The following MTCL1 variants were observed in gnomAD, a reference collection of about 807,000 sequenced individuals.
MTCL1 encodes microtubule cross-linking factor 1.
In MTCL1, 79 loss-of-function variants were observed where a neutral mutation model predicts 141.4. The observed-to-expected ratio is 0.56, with a 90% CI of 0.47 to 0.67. The LOEUF (loss-of-function observed/expected upper bound fraction) is 0.67. Ranked by LOEUF, MTCL1 falls within the 30% of genes least tolerant of loss-of-function variation. The pLI is 0.00. For missense variants in MTCL1, 2,177 were observed against 2,113.9 expected, an observed-to-expected ratio of 1.03 and a Z score of -0.59; for synonymous variants, 914 against 875.8, an observed-to-expected ratio of 1.04 and a Z score of -0.77.
At chr18:8,733,027 T>C (rs2096258600) in intron 4 of MTCL1, among the ~76,000 whole-genome samples, 1 of 152,254 alleles carries the variant, frequency 6.6e-6, no homozygotes, top group South Asian at 2.1e-4. Context: ...ATCAGACATC[T>C]ATCTGTGTAC....
intron 4 of MTCL1, among the ~76,000 whole-genome samples, chr18:8,753,451 TA>T (rs1272368053): frequency 6.6e-6 from 1 of 152,220 alleles, no homozygotes; most frequent in Non-Finnish European, 1.5e-5. Context: ...AAGGACTCAT[TA>T]CTCAGGGCAC....
At chr18:8,745,293 C>G (rs759516142) in intron 4 of MTCL1, among the ~76,000 whole-genome samples, 8 of 152,102 alleles carry the variant, frequency 5.3e-5, no homozygotes, top group Non-Finnish European at 8.8e-5. Context: ...TAATTTTTTT[C>G]TTGCTCTCCT....
Position 8,777,929 on chromosome 18 carries a change from A to G in MTCL1, c.417+37A>G, listed in dbSNP as rs775494981. ...TTTTCATTCTAATGTTACATCTCCT[A>G]TAAGTGAAGTCAACTCATTTTGAAT... On this transcript the variant is annotated intron_variant, in intron 5 of 16. Transcript: ENST00000359865. 3.8e-5 allele frequency: 60 copies of G among 1,577,494 alleles called. No individual in the cohort carries two copies. The East Asian group carries it at 4.0e-4, about 11-fold the overall frequency.
At chr18:8,730,554 G>A (rs1045746489) in intron 4 of MTCL1, among the ~76,000 whole-genome samples, 1 of 152,222 alleles carries the variant, frequency 6.6e-6, no homozygotes, top group Non-Finnish European at 1.5e-5. Flanking sequence ...TTTGGTTAGT[G>A]ATAAGCGAAG....
exon 6 of MTCL1, chr18:8,784,485 A>G: frequency 6.4e-7 from 1 of 1,572,104 alleles, no homozygotes; most frequent in Non-Finnish European, 8.6e-7. Flanking sequence ...GTGACCCTAA[A>G]ACACGAGGCC....
chr18:8,768,544 A>G (rs1410411871), intron 4 of MTCL1, among the ~76,000 whole-genome samples: 2 of 152,212 alleles, frequency 1.3e-5, no homozygotes, highest in East Asian at 3.8e-4. Flanking sequence ...GTGCTCTTTG[A>G]CAGTTAAATA....
At chr18:8,771,464 T>C (rs2096484973) in intron 4 of MTCL1, among the ~76,000 whole-genome samples, 1 of 152,242 alleles carries the variant, frequency 6.6e-6, no homozygotes, top group African/African-American at 2.4e-5. Flanking sequence ...TCAGTCTGCA[T>C]CTACATCCTC....
At chr18:8,732,040 G>A (rs1403395730) in intron 4 of MTCL1, among the ~76,000 whole-genome samples, 2 of 152,174 alleles carry the variant, frequency 1.3e-5, no homozygotes, top group Non-Finnish European at 2.9e-5. Context: ...CTTGGGGTCT[G>A]TTGAATTTAT....
intron 11 of MTCL1, chr18:8,809,310 A>G: frequency 9.2e-7 from 1 of 1,089,640 alleles, no homozygotes; most frequent in South Asian, 1.7e-5. Context: ...ATGGTCACTA[A>G]CTTTCCACTA....
At chr18:8,709,549 G>T (rs1419399600) in intron 1 of MTCL1, among the ~76,000 whole-genome samples, 1 of 152,104 alleles carries the variant, frequency 6.6e-6, no homozygotes, top group Non-Finnish European at 1.5e-5. Context: ...TGCTTTGTTA[G>T]GGAGCACTGC....
intron 10 of MTCL1, among the ~76,000 whole-genome samples, chr18:8,801,107 G>C (rs565668014): frequency 6.6e-6 from 1 of 152,074 alleles, no homozygotes; most frequent in African/African-American, 2.4e-5. Context: ...TAGGGCCTTC[G>C]GGGGCTGCCT....
intron 4 of MTCL1, among the ~76,000 whole-genome samples, chr18:8,748,075 G>A (rs1238922155): frequency 6.6e-6 from 1 of 152,040 alleles, no homozygotes; most frequent in African/African-American, 2.4e-5. Flanking sequence ...GCTTGTGGCC[G>A]CCTCACTTGG....
At chr18:8,711,037 C>A (rs1327130946) in intron 1 of MTCL1, among the ~76,000 whole-genome samples, 3 of 151,804 alleles carry the variant, frequency 2.0e-5, no homozygotes, top group Non-Finnish European at 2.9e-5. Flanking sequence ...TATCCCTCCC[C>A]ACTCCCCCTA....
intron 4 of MTCL1, among the ~76,000 whole-genome samples, chr18:8,729,635 C>T (rs114057328): frequency 0.025 from 2,889 of 117,752 alleles, 96 homozygotes; most frequent in African/African-American, 0.095. Flanking sequence ...AACTCCTGGA[C>T]TCAAGTGATC....
chr18:8,735,506 A>G (rs534938981), intron 4 of MTCL1, among the ~76,000 whole-genome samples: 3 of 152,106 alleles, frequency 2.0e-5, no homozygotes, highest in Admixed American at 1.3e-4. Context: ...ATCCCCTTCA[A>G]AGGCCGGGTT....
chr18:8,706,203 C>G, exon 1 of MTCL1: 1 of 1,226,558 alleles, frequency 8.2e-7, no homozygotes. Context: ...CCCCGGCCGC[C>G]CGGATCCCTG....
At chr18:8,805,117 A>G (rs917652721) in intron 10 of MTCL1, among the ~76,000 whole-genome samples, 5 of 150,974 alleles carry the variant, frequency 3.3e-5, no homozygotes, top group African/African-American at 9.8e-5. Flanking sequence ...ATATATATAT[A>G]TAGAATTTTA....
At chr18:8,710,642 A>T (rs2096083410) in intron 1 of MTCL1, among the ~76,000 whole-genome samples, 1 of 151,420 alleles carries the variant, frequency 6.6e-6, no homozygotes. Context: ...TAAGGTGGTA[A>T]TGAAATCATT....
intron 4 of MTCL1, among the ~76,000 whole-genome samples, chr18:8,725,890 C>T (rs1208416969): frequency 3.4e-5 from 5 of 147,750 alleles, no homozygotes; most frequent in East Asian, 2.1e-4. Flanking sequence ...CCCGGGTTCA[C>T]GCCATTCTCC....
Sources: allele counts gnomAD v4.1 joint callset (sites outside exome capture counted in the v4.1 genomes callset), GRCh38; gene constraint gnomAD v4.1.1; transcripts MANE v1.5; gene names NCBI Gene and HGNC (gene_info 2026-07-23, HGNC 2026-07-21).